The following CUX1 variants were observed in gnomAD, a reference collection of about 807,000 sequenced individuals.
CUX1 encodes cut like homeobox 1.
A neutral mutation model predicts 158.8 loss-of-function variants in CUX1; 31 were observed. The observed-to-expected ratio is 0.20, with a 90% CI of 0.15 to 0.26. The LOEUF (loss-of-function observed/expected upper bound fraction) is 0.26. Among genes scored for constraint, CUX1 ranks in the 10% least tolerant of loss-of-function variants. The pLI, the probability that CUX1 is intolerant of heterozygous loss-of-function variation, is 1.00. For synonymous variants in CUX1, 879 were observed against 862.1 expected, an observed-to-expected ratio of 1.02 and a Z score of -0.34; for missense variants, 1,589 against 2,014.6, an observed-to-expected ratio of 0.79 and a Z score of 4.04.
chr7:101,930,905 T>G (rs1003472919), intron 2 of CUX1, among the ~76,000 whole-genome samples: 9 of 152,214 alleles, frequency 5.9e-5, no homozygotes, highest in African/African-American at 2.2e-4. Flanking sequence ...GAGACCAGCC[T>G]GGCCAACATG....
At chr7:101,847,185 A>T (rs1333826039) in intron 1 of CUX1, among the ~76,000 whole-genome samples, 2 of 152,184 alleles carry the variant, frequency 1.3e-5, no homozygotes, top group Non-Finnish European at 2.9e-5. Context: ...CTGGTGGAGA[A>T]GGTAGTATTT....
At chr7:101,901,927 C>T (rs1009337932) in intron 1 of CUX1, among the ~76,000 whole-genome samples, 13 of 152,238 alleles carry the variant, frequency 8.5e-5, no homozygotes, top group Non-Finnish European at 1.3e-4. Context: ...AATGTTGGCT[C>T]TGAAAGCATT....
chr7:101,984,921 C>G (rs779614726), intron 2 of CUX1, among the ~76,000 whole-genome samples: 1 of 152,102 alleles, frequency 6.6e-6, no homozygotes, highest in South Asian at 2.1e-4. Context: ...TGTTTTAAAA[C>G]GTCTGAGAAT....
intron 4 of CUX1, among the ~76,000 whole-genome samples, chr7:102,086,382 G>A (rs1827957444): frequency 6.6e-6 from 1 of 151,884 alleles, no homozygotes; most frequent in Admixed American, 6.6e-5. Context: ...TGTGGTCAGA[G>A]TACATGTTTG....
At chr7:101,959,062 G>A (rs2092635380) in intron 2 of CUX1, among the ~76,000 whole-genome samples, 1 of 151,772 alleles carries the variant, frequency 6.6e-6, no homozygotes, top group Non-Finnish European at 1.5e-5. Flanking sequence ...GTCTGGCAGT[G>A]TTGCCTAAGC....
At chr7:102,067,229 CTTTTTTTTTTTTTT>C (rs34912215) in intron 3 of CUX1, among the ~76,000 whole-genome samples, 4 of 94,018 alleles carry the variant, frequency 4.3e-5, no homozygotes, top group African/African-American at 1.7e-4. Context: ...TTTCATGTAA[CTTTTTTTTTTTTTT>C]TTTTTTTTGA....
intron 14 of CUX1, among the ~76,000 whole-genome samples, chr7:102,269,821 C>A (rs913733563): frequency 3.3e-5 from 3 of 90,568 alleles, no homozygotes; most frequent in Admixed American, 1.4e-4. Context: ...TCTTCCATGC[C>A]CCCCCCAAAC....
At chr7:102,064,666 A>G (rs1284337819) in intron 3 of CUX1, among the ~76,000 whole-genome samples, 2 of 151,786 alleles carry the variant, frequency 1.3e-5, no homozygotes, top group Non-Finnish European at 2.9e-5. Context: ...GCTGGTAGCC[A>G]TGTGGACACC....
In CUX1 at chr7:102,062,304, GGCA is replaced by G. The variant is rs1157886401; in HGVS notation, c.190-8028_190-8026del. On this transcript the variant is annotated intron_variant, in intron 3 of 23. Coordinates refer to ENST00000292535, the MANE Select transcript of CUX1 (RefSeq NM_181552.4). ...GGGAGCCTAGATGGTAGTTGGGAGC[GGCA>G]GCAGCATATTCCATGTGACTCCGGG... 1.7e-4 allele frequency among the ~76,000 whole-genome samples: 26 copies of G among 152,194 alleles called. No individual in the cohort carries two copies. The East Asian group carries it at 4.8e-3, about 28-fold the overall frequency.
chr7:101,944,141 G>C (rs947260468), intron 2 of CUX1, among the ~76,000 whole-genome samples: 40 of 152,090 alleles, frequency 2.6e-4, no homozygotes, highest in African/African-American at 8.2e-4. Flanking sequence ...AGGGAGCCCT[G>C]TCCCCACCCA....
chr7:101,914,806 G>A lies in CUX1; in HGVS notation c.31-1309G>A, dbSNP rs2129083685. ...GAGCCACCTCGCCCGGCCTGTCCAT[G>A]ATTTGTAAGTTGACAGCATGATTTC... On this transcript the variant is annotated intron_variant, in intron 1 of 23. Coordinates refer to ENST00000292535, the MANE Select transcript of CUX1 (RefSeq NM_181552.4). Among the ~76,000 whole-genome samples, 3 of 152,208 alleles carry A rather than the reference G, an allele frequency of 2.0e-5. No individual in the cohort carries two copies. In the Middle Eastern group the frequency reaches 0.01, roughly 518 times the overall value.
chr7:102,120,245 GTCCACGA>G (rs1172266983), intron 8 of CUX1, among the ~76,000 whole-genome samples: 1 of 152,186 alleles, frequency 6.6e-6, no homozygotes, highest in African/African-American at 2.4e-5. Flanking sequence ...TTTTGCTGAA[GTCCACGA>G]TCCTATGCCC....
intron 2 of CUX1, among the ~76,000 whole-genome samples, chr7:101,997,396 C>T (rs111897460): frequency 0.041 from 6,174 of 152,226 alleles, 440 homozygotes; most frequent in African/African-American, 0.14. Flanking sequence ...CAGGTTGGAG[C>T]GCAGTGGTGC....
At chr7:102,139,847 G>A (rs1387789169) in intron 8 of CUX1, among the ~76,000 whole-genome samples, 11 of 151,410 alleles carry the variant, frequency 7.3e-5, no homozygotes, top group African/African-American at 1.9e-4. Flanking sequence ...TTGTAGAGAC[G>A]GGGTCTTGTT....
rs538607699 is a variant in CUX1, at chr7:102,048,096, C to T, written c.189+19951C>T. Among the ~76,000 whole-genome samples, 6 of 152,286 alleles carry T rather than the reference C, an allele frequency of 3.9e-5. No homozygotes were observed. In the South Asian group the frequency reaches 1.2e-3, roughly 32 times the overall value. On this transcript the variant is annotated intron_variant, in intron 3 of 23. Coordinates refer to ENST00000292535, the MANE Select transcript of CUX1 (RefSeq NM_181552.4). ...CACCATTTCCATGATGTCGCTCACC[C>T]TTCGACACCACCCTGTGCTGGGGGC... is the stretch of plus-strand genomic sequence containing the variant.
intron 1 of CUX1, among the ~76,000 whole-genome samples, chr7:101,857,218 G>A (rs1262062362): frequency 6.6e-6 from 1 of 152,216 alleles, no homozygotes; most frequent in East Asian, 1.9e-4. Flanking sequence ...TGGGGGCTGT[G>A]CTTGACTCTG....
chr7:102,148,172 C>T (rs1835216152), intron 8 of CUX1, among the ~76,000 whole-genome samples: 1 of 152,092 alleles, frequency 6.6e-6, no homozygotes, highest in African/African-American at 2.4e-5. Flanking sequence ...GGAGAGGCCT[C>T]TCAGAGGAGG....
At chr7:101,870,553 A>G (rs1180295028) in intron 1 of CUX1, among the ~76,000 whole-genome samples, 1 of 152,166 alleles carries the variant, frequency 6.6e-6, no homozygotes, top group Non-Finnish European at 1.5e-5. Context: ...TACTCCAGTC[A>G]AGGCTGTTTC....
At chr7:102,278,649 T>TAA (rs1281870406) in intron 18 of CUX1, among the ~76,000 whole-genome samples, 2 of 98,470 alleles carry the variant, frequency 2.0e-5, no homozygotes, top group African/African-American at 7.6e-5. Context: ...TAAAATAAAA[T>TAA]AAAATAAAAA....
Sources: allele counts gnomAD v4.1 joint callset (sites outside exome capture counted in the v4.1 genomes callset), GRCh38; gene constraint gnomAD v4.1.1; transcripts MANE v1.5; gene names NCBI Gene and HGNC (gene_info 2026-07-23, HGNC 2026-07-21).